The following ADAM22 variants were observed in gnomAD, a reference collection of about 807,000 sequenced individuals.
ADAM22 encodes disintegrin and metalloproteinase domain-containing protein 22.
A neutral mutation model predicts 144.6 loss-of-function variants in ADAM22; 65 were observed. The ratio of observed to expected loss-of-function variants is 0.45; its 90% CI spans 0.37 to 0.55. ADAM22 has a LOEUF of 0.55. ADAM22 is among the 20% of genes least tolerant of loss of function. The pLI is 0.00. For missense variants in ADAM22, 974 were observed against 1,184.9 expected (o/e 0.82, Z 2.61); for synonymous variants, 391 against 412.6 (o/e 0.95, Z 0.63).
chr7:87,938,034 A>T lies in ADAM22; in HGVS notation c.246+2848A>T, dbSNP rs566510361. Among the ~76,000 whole-genome samples the T allele has an allele frequency of 2.0e-5, 3 of 152,266 alleles. No individual in the cohort carries two copies. In the East Asian group the frequency reaches 5.8e-4, roughly 29 times the overall value. Reference sequence around the variant, plus strand: ...TTTAAAGACCTGTTTATCTTAGGCCAACTTTTCCTACAGTTAGGAAACAGA... The same window carrying T: ...TTTAAAGACCTGTTTATCTTAGGCCTACTTTTCCTACAGTTAGGAAACAGA... On this transcript the variant is annotated intron_variant, in intron 2 of 31. Transcript: ENST00000413139.
chr7:88,131,615 G>T, intron 11 of ADAM22, 180 bp downstream of exon 11: 2 of 571,212 alleles, frequency 3.5e-6, no homozygotes, highest in Non-Finnish European at 6.1e-6. Context: ...AAATGTAAAA[G>T]TTTTAATTTT....
intron 3 of ADAM22, among the ~76,000 whole-genome samples, chr7:88,056,748 A>G (rs532769952): frequency 1.3e-5 from 2 of 152,216 alleles, no homozygotes; most frequent in Non-Finnish European, 2.9e-5. Flanking sequence ...TTCACTCCTA[A>G]AAGGTTGTCC....
At chr7:87,949,072 G>C (rs1258683327) in intron 2 of ADAM22, among the ~76,000 whole-genome samples, 5 of 152,168 alleles carry the variant, frequency 3.3e-5, no homozygotes, top group African/African-American at 1.2e-4. Context: ...CGTTGGGATG[G>C]CATGGAGAGG....
At chr7:87,993,076 T>C (rs1046457063) in intron 3 of ADAM22, among the ~76,000 whole-genome samples, 3 of 152,284 alleles carry the variant, frequency 2.0e-5, no homozygotes, top group East Asian at 1.9e-4. Context: ...TATTGGCTAG[T>C]GGCGTATGGG....
chr7:88,060,067 G>T (rs1024374941), intron 3 of ADAM22, among the ~76,000 whole-genome samples: 4 of 151,972 alleles, frequency 2.6e-5, no homozygotes, highest in Admixed American at 1.3e-4. Context: ...ACAGCATTAT[G>T]TCTAAAAAAA....
chr7:87,938,153 C>G (rs558552021), intron 2 of ADAM22, among the ~76,000 whole-genome samples: 1 of 143,198 alleles, frequency 7.0e-6, no homozygotes, highest in East Asian at 2.0e-4. Context: ...CTTGTTATTT[C>G]TCTAATACTT....
chr7:87,978,371 T>C lies in ADAM22; in HGVS notation c.282T>C (p.Asp94=), dbSNP rs1187346792. The C allele has an allele frequency of 6.2e-7, 1 of 1,613,782 alleles. No homozygotes were observed. Among genetic ancestry groups the C allele is most frequent in the Admixed American group, 1.7e-5 (1 of 59,948 alleles). The change falls in exon 3 of 32, where the codon GAT becomes GAC. Residue 94 remains aspartate, a synonymous_variant. Coordinates refer to ENST00000413139, the MANE Select transcript of ADAM22 (RefSeq NM_001324418.2). ...TTGACCAAGCAAGCTTCCAGGTTGATGCCTTTGGAACGTCATTCATTCTCG... is the reference window on the plus strand; with the variant it reads ...TTGACCAAGCAAGCTTCCAGGTTGACGCCTTTGGAACGTCATTCATTCTCG... ...THVDQASFQV[D]AFGTSFILDV...
intron 5 of ADAM22, among the ~76,000 whole-genome samples, chr7:88,113,893 G>T (rs1826994529): frequency 6.6e-6 from 1 of 150,764 alleles, no homozygotes; most frequent in Non-Finnish European, 1.5e-5. Flanking sequence ...TAGGTAGCAG[G>T]TTGCAAATGG....
chr7:88,003,970 C>G (rs1364032971), intron 3 of ADAM22, among the ~76,000 whole-genome samples: 1 of 152,184 alleles, frequency 6.6e-6, no homozygotes, highest in Non-Finnish European at 1.5e-5. Flanking sequence ...CAAGGCCTGA[C>G]TCTGCAGAAC....
At chr7:88,195,027 A>G (rs148374852) in intron 31 of ADAM22, among the ~76,000 whole-genome samples, 1 of 152,344 alleles carries the variant, frequency 6.6e-6, no homozygotes, top group East Asian at 1.9e-4. Context: ...TTGGGAGAAC[A>G]TATTAAGGGA....
chr7:88,145,099 A>G (rs1352271491), intron 15 of ADAM22, 26 bp from the exon 16 acceptor site: 2 of 1,605,354 alleles, frequency 1.2e-6, no homozygotes, highest in East Asian at 2.2e-5. Flanking sequence ...TCTATATTTT[A>G]GTTCACTTTT....
rs181587636 is a variant in ADAM22, at chr7:87,948,934, T to C, written c.246+13748T>C. On this transcript the variant is annotated intron_variant, in intron 2 of 31. Coordinates refer to ENST00000413139, the MANE Select transcript of ADAM22 (RefSeq NM_001324418.2). Reference sequence around the variant, plus strand: ...CTCAGTAAATATTTATGGTCTACTTTTGTTTCAATTTTCTTTCACCAAAAA... The same window carrying C: ...CTCAGTAAATATTTATGGTCTACTTCTGTTTCAATTTTCTTTCACCAAAAA... 3.2e-3 allele frequency among the ~76,000 whole-genome samples: 483 copies of C among 152,362 alleles called. 3 individuals carry two copies. Among genetic ancestry groups the C allele is most frequent in the African/African-American group, 0.011 (458 of 41,592 alleles).
intron 3 of ADAM22, among the ~76,000 whole-genome samples, chr7:87,987,151 T>G (rs1584842009): frequency 2.6e-5 from 4 of 152,292 alleles, no homozygotes; most frequent in African/African-American, 9.6e-5. Flanking sequence ...CTCACTGCTA[T>G]TTTTCTCCCA....
chr7:88,144,069 A>T (rs991956063), intron 15 of ADAM22, among the ~76,000 whole-genome samples: 1 of 152,204 alleles, frequency 6.6e-6, no homozygotes, highest in African/African-American at 2.4e-5. Flanking sequence ...ATCAGTTTCG[A>T]CCAAAAATGA....
chr7:88,156,939 CAATG>C (rs1840134007), intron 22 of ADAM22, among the ~76,000 whole-genome samples: 1 of 149,168 alleles, frequency 6.7e-6, no homozygotes, highest in Non-Finnish European at 1.5e-5. Flanking sequence ...AACAATGAGA[CAATG>C]AAGGGGAAAA....
intron 30 of ADAM22, among the ~76,000 whole-genome samples, chr7:88,189,955 A>G (rs1849244975): frequency 6.6e-6 from 1 of 152,106 alleles, no homozygotes; most frequent in Admixed American, 6.5e-5. Context: ...AAAAATAAAT[A>G]AAAATAAAAT....
intron 4 of ADAM22, among the ~76,000 whole-genome samples, chr7:88,102,710 G>C (rs901519394): frequency 6.6e-6 from 1 of 152,082 alleles, no homozygotes; most frequent in Non-Finnish European, 1.5e-5. Context: ...ATTATAAATT[G>C]ATGTCTTGAA....
At chr7:88,067,230 C>G (rs1265078840) in intron 3 of ADAM22, among the ~76,000 whole-genome samples, 1 of 150,608 alleles carries the variant, frequency 6.6e-6, no homozygotes, top group Non-Finnish European at 1.5e-5. Context: ...AGTGTGTTCC[C>G]TGGTACCTTG....
At chr7:88,009,616 A>T (rs1392751695) in intron 3 of ADAM22, among the ~76,000 whole-genome samples, 1 of 151,998 alleles carries the variant, frequency 6.6e-6, no homozygotes, top group Non-Finnish European at 1.5e-5. Context: ...AAGTGCATTT[A>T]TATTGATTTT....
Sources: allele counts gnomAD v4.1 joint callset (sites outside exome capture counted in the v4.1 genomes callset), GRCh38; gene constraint gnomAD v4.1.1; transcripts MANE v1.5; gene names NCBI Gene and HGNC (gene_info 2026-07-23, HGNC 2026-07-21).